Variants in DLG2 observed in about 807,000 individuals in gnomAD.
The protein encoded by DLG2 is disks large homolog 2.
Under a neutral mutation model 132.5 loss-of-function variants are expected in DLG2, and 45 were observed. The observed-to-expected ratio is 0.34, with a 90% CI of 0.27 to 0.44. The LOEUF (loss-of-function observed/expected upper bound fraction) is 0.44, where lower values mean the gene tolerates loss of function less well. DLG2 is among the 20% of genes least tolerant of loss of function. The pLI, the probability that DLG2 is intolerant of heterozygous loss-of-function variation, is 1.00. For missense variants in DLG2, 1,045 were observed against 1,196.9 expected (o/e 0.87, Z 1.87); for synonymous variants, 424 against 419.6 (o/e 1.01, Z -0.13).
chr11:83,972,120 A>G (rs1266062719), intron 12 of DLG2, among the ~76,000 whole-genome samples: 1 of 152,150 alleles, frequency 6.6e-6, no homozygotes, highest in Non-Finnish European at 1.5e-5. Flanking sequence ...CTCAAGGCCA[A>G]TGAATAGACT....
intron 6 of DLG2, among the ~76,000 whole-genome samples, chr11:84,733,000 A>G (rs2063350557): frequency 1.3e-5 from 2 of 152,128 alleles, no homozygotes; most frequent in Admixed American, 6.5e-5. Flanking sequence ...ATAGTATTCC[A>G]TGGTGTATAT....
chr11:84,779,146 T>C (rs1275746998), intron 6 of DLG2, among the ~76,000 whole-genome samples: 3 of 152,022 alleles, frequency 2.0e-5, no homozygotes, highest in Non-Finnish European at 4.4e-5. Context: ...TGTGATTGTG[T>C]GAGTAATTCT....
Position 84,709,761 on chromosome 11 carries a change from G to A in DLG2, c.358-175030C>T, listed in dbSNP as rs538793782. On this transcript the variant is annotated intron_variant, in intron 6 of 27. Transcript: ENST00000376104. ...CTCCTTTCCCACTTCTATCCAAGGG[G>A]AAGGCACACCTTCAATGCCCCACTA... Among the ~76,000 whole-genome samples, 77 of 151,920 alleles carry A rather than the reference G, an allele frequency of 5.1e-4. 1 individual carries two copies. The highest frequency in any genetic ancestry group is 1.8e-3 in the African/African-American group (74 of 41,472).
intron 7 of DLG2, among the ~76,000 whole-genome samples, chr11:84,358,675 G>A (rs375009547): frequency 6.6e-6 from 1 of 151,832 alleles, no homozygotes; most frequent in Admixed American, 6.6e-5. Flanking sequence ...GTGAGACATA[G>A]TGTCAGGAAA....
chr11:84,591,113 T>C (rs775592762), intron 6 of DLG2, among the ~76,000 whole-genome samples: 1 of 152,072 alleles, frequency 6.6e-6, no homozygotes, highest in Non-Finnish European at 1.5e-5. Flanking sequence ...TCTGATGTAT[T>C]GCTGCAATTA....
chr11:84,102,915 G>T (rs1210922618), intron 9 of DLG2, among the ~76,000 whole-genome samples: 1 of 152,084 alleles, frequency 6.6e-6, no homozygotes, highest in Non-Finnish European at 1.5e-5. Context: ...CTGTGGCTCT[G>T]GCATTTTCTA....
At chr11:84,089,040 G>A (rs1212410777) in intron 10 of DLG2, among the ~76,000 whole-genome samples, 1 of 152,124 alleles carries the variant, frequency 6.6e-6, no homozygotes, top group African/African-American at 2.4e-5. Context: ...GGGGTACAGT[G>A]GAAATTGACA....
chr11:84,894,016 C>G (rs1386252367), intron 6 of DLG2, among the ~76,000 whole-genome samples: 2 of 152,096 alleles, frequency 1.3e-5, no homozygotes, highest in African/African-American at 4.8e-5. Flanking sequence ...AGCCAGTTCT[C>G]TGTAATGACT....
intron 6 of DLG2, among the ~76,000 whole-genome samples, chr11:84,612,123 T>G (rs1206352922): frequency 5.9e-5 from 9 of 152,170 alleles, no homozygotes; most frequent in Admixed American, 5.9e-4. Context: ...AAGCAAGCTT[T>G]CTGTCACTAC....
At chr11:84,258,578 A>T (rs540896372) in intron 7 of DLG2, among the ~76,000 whole-genome samples, 2 of 152,204 alleles carry the variant, frequency 1.3e-5, no homozygotes, top group African/African-American at 4.8e-5. Context: ...ATTAAAAAGA[A>T]GGAAGGAATG....
chr11:84,360,007 TTAG>T (rs937382717), intron 7 of DLG2, among the ~76,000 whole-genome samples: 48 of 151,902 alleles, frequency 3.2e-4, no homozygotes, highest in African/African-American at 1.1e-3. Flanking sequence ...AATTGGTAGC[TTAG>T]TAATGCAATC....
At chr11:84,656,027 G>A (rs973696269) in intron 6 of DLG2, among the ~76,000 whole-genome samples, 8 of 152,064 alleles carry the variant, frequency 5.3e-5, no homozygotes, top group African/African-American at 1.9e-4. Context: ...GAAAAGATGT[G>A]TTACCTTAGG....
intron 6 of DLG2, among the ~76,000 whole-genome samples, chr11:85,102,965 A>T (rs1187321693): frequency 6.6e-6 from 1 of 152,000 alleles, no homozygotes; most frequent in African/African-American, 2.4e-5. Context: ...TTTTACTTCT[A>T]TACACTAGAA....
intron 3 of DLG2, among the ~76,000 whole-genome samples, chr11:85,430,201 G>T (rs2091072165): frequency 6.9e-6 from 1 of 144,706 alleles, no homozygotes; most frequent in Non-Finnish European, 1.5e-5. Context: ...ACACTCTGGG[G>T]CCTGTTGTGG....
At chr11:84,381,820 C>A (rs1282982587) in intron 7 of DLG2, among the ~76,000 whole-genome samples, 1 of 152,132 alleles carries the variant, frequency 6.6e-6, no homozygotes, top group Non-Finnish European at 1.5e-5. Context: ...ATGGAAAAAG[C>A]AGCTGCTGCT....
chr11:84,730,013 G>T (rs1346188729), intron 6 of DLG2, among the ~76,000 whole-genome samples: 1 of 152,000 alleles, frequency 6.6e-6, no homozygotes, highest in South Asian at 2.1e-4. Flanking sequence ...TCTCATGACA[G>T]TCACTTTCAG....
At chr11:84,837,886 C>T (rs754301400) in intron 6 of DLG2, among the ~76,000 whole-genome samples, 3 of 151,754 alleles carry the variant, frequency 2.0e-5, no homozygotes, top group Non-Finnish European at 4.4e-5. Context: ...GAGCAAATAA[C>T]CTGGGAGCTT....
chr11:84,053,314 T>G (rs2096435970), intron 11 of DLG2, among the ~76,000 whole-genome samples: 1 of 151,944 alleles, frequency 6.6e-6, no homozygotes, highest in South Asian at 2.1e-4. Flanking sequence ...AGAATAGCTG[T>G]TGGATGCTGG....
chr11:84,298,242 G>A (rs555710028), intron 7 of DLG2, among the ~76,000 whole-genome samples: 1 of 152,240 alleles, frequency 6.6e-6, no homozygotes, highest in African/African-American at 2.4e-5. Context: ...TTATGAACAT[G>A]GGCGTTTCCA....
Sources: allele counts gnomAD v4.1 joint callset (sites outside exome capture counted in the v4.1 genomes callset), GRCh38; gene constraint gnomAD v4.1.1; transcripts MANE v1.5; gene names NCBI Gene and HGNC (gene_info 2026-07-23, HGNC 2026-07-21).